The following APP variants were observed in gnomAD, a reference collection of about 807,000 sequenced individuals.
APP encodes amyloid beta precursor protein.
APP carries 31 observed loss-of-function variants against 101.4 expected under a neutral mutation model. The ratio of observed to expected loss-of-function variants is 0.31; its 90% confidence interval spans 0.23 to 0.41. The LOEUF is 0.41. Among genes scored for constraint, APP ranks in the 10% least tolerant of loss-of-function variants. The pLI is 1.00. For synonymous variants in APP, 366 were observed against 364.4 expected (o/e 1.00, Z -0.05); for missense variants, 839 against 1,003.7 (o/e 0.84, Z 2.22).
intron 14 of APP, among the ~76,000 whole-genome samples, chr21:25,909,581 A>ATG (rs1190302892): frequency 1.3e-4 from 20 of 151,948 alleles, no homozygotes; most frequent in South Asian, 8.3e-4. Flanking sequence ...TTCACAGTGT[A>ATG]TGTGTGTGTG....
At chr21:26,092,061 A>G (rs1482242011) in intron 2 of APP, among the ~76,000 whole-genome samples, 1 of 152,244 alleles carries the variant, frequency 6.6e-6, no homozygotes, top group Non-Finnish European at 1.5e-5. Context: ...TTCCATTTTA[A>G]TAAGGCAGTA....
chr21:25,962,111 G>C lies in APP; in HGVS notation c.1459-6356C>G, dbSNP rs73338712. Reference sequence around the variant, plus strand: ...CTAATTATACCGAATCCTATTTATTGTCACTACTGTTTCTGAAACAGTGTT... The same window carrying C: ...CTAATTATACCGAATCCTATTTATTCTCACTACTGTTTCTGAAACAGTGTT... On this transcript the variant is annotated intron_variant, in intron 11 of 17. Transcript: ENST00000346798. Among the ~76,000 whole-genome samples, 637 of 152,270 alleles carry C rather than the reference G, an allele frequency of 4.2e-3. 8 individuals are homozygous for C. The highest frequency in any genetic ancestry group is 0.014 in the African/African-American group (592 of 41,562).
At chr21:26,024,037 G>C (rs2044462477) in intron 5 of APP, among the ~76,000 whole-genome samples, 1 of 152,164 alleles carries the variant, frequency 6.6e-6, no homozygotes, top group South Asian at 2.1e-4. Flanking sequence ...AAATTAAAAA[G>C]GCCTATTAGG....
intron 16 of APP, among the ~76,000 whole-genome samples, chr21:25,895,996 G>GTAAT (rs2146256905): frequency 6.6e-6 from 1 of 152,306 alleles, no homozygotes; most frequent in South Asian, 2.1e-4. Context: ...AGGCGTTAGT[G>GTAAT]TAATTGTGGG....
At chr21:26,027,916 C>T (rs562873283) in intron 5 of APP, among the ~76,000 whole-genome samples, 1 of 152,224 alleles carries the variant, frequency 6.6e-6, no homozygotes, top group East Asian at 1.9e-4. Flanking sequence ...TGACTCAGGC[C>T]TGAGGAGGTG....
In APP at chr21:26,021,824, GC is replaced by G; in HGVS notation, c.865+15del. 6.2e-7 allele frequency: 1 copy of G among 1,611,830 alleles called. No individual in the cohort carries two copies. On this transcript the variant is annotated intron_variant, in intron 6 of 17. Transcript: ENST00000346798. ...TTCCTTGGGGGTGGGGGGAATCCAA[GC>G]AAATGGTGGATTACCTCGAACCACC... is the stretch of plus-strand genomic sequence containing the variant.
intron 3 of APP, among the ~76,000 whole-genome samples, chr21:26,057,264 T>C (rs1292538558): frequency 6.6e-6 from 1 of 152,246 alleles, no homozygotes; most frequent in East Asian, 1.9e-4. Context: ...CTTAACAGAA[T>C]TCTGATGTAA....
intron 14 of APP, among the ~76,000 whole-genome samples, chr21:25,908,615 G>T (rs1042952964): frequency 1.3e-5 from 2 of 150,930 alleles, no homozygotes; most frequent in African/African-American, 4.9e-5. Flanking sequence ...TTATTTTAAG[G>T]ATACATTGTT....
chr21:25,937,216 A>G (rs1288747775), intron 13 of APP, among the ~76,000 whole-genome samples: 1 of 152,186 alleles, frequency 6.6e-6, no homozygotes, highest in African/African-American at 2.4e-5. Context: ...GGAACAAAAA[A>G]GGGGATAGTA....
chr21:25,928,319 G>GGC (rs2039988563), intron 13 of APP, among the ~76,000 whole-genome samples: 1 of 150,514 alleles, frequency 6.6e-6, no homozygotes, highest in African/African-American at 2.4e-5. Context: ...TCCAGCCTGG[G>GGC]CGACAGAGCG....
At position 25,954,442 on chromosome 21, in the gene APP, T is replaced by A. The variant is rs2829996; in HGVS notation, c.1687+148A>T. 648,130 of 735,352 alleles carry A rather than the reference T, an allele frequency of 0.88. 288,383 individuals are homozygous for A. Among genetic ancestry groups the A allele is most frequent in the Non-Finnish European group, 0.93 (388,882 of 417,684 alleles). 45.6% of individuals were successfully genotyped at this position (735,352 alleles called of 1,614,324 possible). A position where few individuals can be genotyped will look rare whatever the true frequency, so the allele number is the denominator to read the frequency against. ...GAACTGATTCAATTGCTAAGGCTAG[T>A]AAGCTAGTTCCAGCCTGACAGTTTC... On this transcript the variant is annotated intron_variant, in intron 13 of 17. Transcript: ENST00000346798.
At chr21:26,100,485 G>A (rs2062031449) in intron 2 of APP, among the ~76,000 whole-genome samples, 1 of 152,176 alleles carries the variant, frequency 6.6e-6, no homozygotes, top group South Asian at 2.1e-4. Context: ...ATAGGATAAT[G>A]TATATAGTAT....
chr21:25,954,777 C>CT (rs2041242063), intron 12 of APP, 88 bp from the exon 13 acceptor site: 1 of 1,181,788 alleles, frequency 8.5e-7, no homozygotes, highest in Non-Finnish European at 1.2e-6. Context: ...TTTTTTGAGA[C>CT]GGAGTCTCGC....
At chr21:26,011,318 C>T (rs761741188) in intron 6 of APP, among the ~76,000 whole-genome samples, 10 of 152,062 alleles carry the variant, frequency 6.6e-5, no homozygotes, top group South Asian at 2.1e-4. Context: ...TCAAGTAATC[C>T]GCCCACCTCA....
At chr21:26,160,781 C>T (rs940936263) in intron 1 of APP, among the ~76,000 whole-genome samples, 1 of 152,148 alleles carries the variant, frequency 6.6e-6, no homozygotes, top group Non-Finnish European at 1.5e-5. Context: ...TATGTCTAGG[C>T]ACCCTCTATT....
Position 25,954,642 on chromosome 21 carries a change from G to A in APP, c.1635C>T (p.Leu545=). ...RVIYERMNQS[L]SLLYNVPAVA... is the part of the protein sequence containing the mutation. ...CTGCAGGCACGTTGTAGAGCAGGGA[G>A]AGAGACTGATTCATGCGCTCATAAA... The change falls in exon 13 of 18, where the codon CTC becomes CTT. Residue 545 remains leucine, a synonymous_variant. Coordinates refer to ENST00000346798, the MANE Select transcript of APP (RefSeq NM_000484.4). The A allele has an allele frequency of 1.2e-6, 2 of 1,614,162 alleles. No homozygotes were observed. Among genetic ancestry groups the A allele is most frequent in the Non-Finnish European group, 8.5e-7 (1 of 1,180,018 alleles).
At chr21:26,118,742 C>T (rs900304325) in intron 1 of APP, among the ~76,000 whole-genome samples, 3 of 151,832 alleles carry the variant, frequency 2.0e-5, no homozygotes, top group East Asian at 3.9e-4. Flanking sequence ...TTAGTAGAGA[C>T]GGGTTTTTGC....
At chr21:26,044,438 T>C (rs2045516313) in intron 5 of APP, among the ~76,000 whole-genome samples, 1 of 152,200 alleles carries the variant, frequency 6.6e-6, no homozygotes. Flanking sequence ...AAGAATGAAA[T>C]TGATCACGTA....
intron 3 of APP, among the ~76,000 whole-genome samples, chr21:26,064,561 T>TGC (rs2046386245): frequency 1.3e-5 from 2 of 151,690 alleles, no homozygotes; most frequent in Admixed American, 1.3e-4. Flanking sequence ...CTCATAGGGT[T>TGC]TTACTGGGGG....
Sources: allele counts gnomAD v4.1 joint callset (sites outside exome capture counted in the v4.1 genomes callset), GRCh38; gene constraint gnomAD v4.1.1; transcripts MANE v1.5; gene names NCBI Gene and HGNC (gene_info 2026-07-23, HGNC 2026-07-21).